NFIB: variants seen among roughly 807,000 people sequenced by gnomAD.
The protein encoded by NFIB is nuclear factor I B.
Under a neutral mutation model 61.5 loss-of-function variants are expected in NFIB, and 11 were observed. That is an observed-to-expected ratio of 0.18 (90% CI 0.11 to 0.30). The LOEUF (loss-of-function observed/expected upper bound fraction) is 0.30, where lower values mean the gene tolerates loss of function less well. Among genes scored for constraint, NFIB ranks in the 10% least tolerant of loss-of-function variants. The pLI, the probability that NFIB is intolerant of heterozygous loss-of-function variation, is 1.00. For missense variants in NFIB, 471 were observed against 608.9 expected (o/e 0.77, Z 2.38); for synonymous variants, 260 against 216.5 (o/e 1.20, Z -1.76).
At chr9:14,306,264 G>T (rs1047699459) in intron 2 of NFIB, among the ~76,000 whole-genome samples, 2 of 151,930 alleles carry the variant, frequency 1.3e-5, no homozygotes, top group Admixed American at 6.6e-5. Flanking sequence ...TTCCTCCTCG[G>T]TAAGTTTTAT....
chr9:14,438,025 T>C, the NFIB span, among the ~76,000 whole-genome samples: 3 of 151,248 alleles, frequency 2.0e-5, no homozygotes. Context: ...TGTGTGTGTG[T>C]GTGTGCGCGT....
chr9:14,395,321 A>T (rs59232654), intron 1 of NFIB, among the ~76,000 whole-genome samples: 1 of 148,798 alleles, frequency 6.7e-6, no homozygotes, highest in Admixed American at 6.7e-5. Context: ...AAAAAAAAAA[A>T]CCTAAAAAAA....
At chr9:14,296,156 C>CT (rs1198529061) in intron 2 of NFIB, among the ~76,000 whole-genome samples, 3 of 152,140 alleles carry the variant, frequency 2.0e-5, no homozygotes, top group Admixed American at 6.5e-5. Flanking sequence ...CCAGTCATTC[C>CT]TTTTTTTCAC....
chr9:14,249,282 C>A (rs922095834), intron 2 of NFIB, among the ~76,000 whole-genome samples: 1 of 152,184 alleles, frequency 6.6e-6, no homozygotes, highest in South Asian at 2.1e-4. Flanking sequence ...AGAGCTTAAA[C>A]AAATTGCCCA....
At chr9:14,380,429 T>C (rs2061474080) in intron 1 of NFIB, among the ~76,000 whole-genome samples, 1 of 152,162 alleles carries the variant, frequency 6.6e-6, no homozygotes, top group African/African-American at 2.4e-5. Flanking sequence ...AATAGAAAAA[T>C]GTATCGGCAC....
chr9:14,378,261 A>G (rs2061442575), intron 1 of NFIB, among the ~76,000 whole-genome samples: 1 of 152,206 alleles, frequency 6.6e-6, no homozygotes, highest in Admixed American at 6.5e-5. Context: ...TTTAGGCTCA[A>G]TATCTGGTTC....
At chr9:14,238,970 C>T (rs2054080999) in intron 2 of NFIB, among the ~76,000 whole-genome samples, 2 of 152,124 alleles carry the variant, frequency 1.3e-5, no homozygotes, top group South Asian at 4.1e-4. Flanking sequence ...AGCATAAGGT[C>T]AACTGATGGT....
chr9:14,100,925 A>T (rs1371366695), intron 10 of NFIB, among the ~76,000 whole-genome samples: 1 of 152,214 alleles, frequency 6.6e-6, no homozygotes, highest in African/African-American at 2.4e-5. Flanking sequence ...GCTTGTACGC[A>T]GACATGAGTC....
chr9:14,089,053 C>T (rs2033382628), intron 10 of NFIB, among the ~76,000 whole-genome samples: 1 of 152,100 alleles, frequency 6.6e-6, no homozygotes, highest in Non-Finnish European at 1.5e-5. Flanking sequence ...CCACAAAGGT[C>T]TCTGCTTGCA....
intron 1 of NFIB, among the ~76,000 whole-genome samples, chr9:14,353,375 C>T (rs1362729590): frequency 6.6e-6 from 1 of 152,144 alleles, no homozygotes; most frequent in Non-Finnish European, 1.5e-5. Flanking sequence ...ATCCTGAGTT[C>T]AGAGGCCTGC....
the NFIB span, among the ~76,000 whole-genome samples, chr9:14,405,805 C>A: frequency 6.6e-6 from 1 of 152,112 alleles, no homozygotes; most frequent in South Asian, 2.1e-4. Context: ...TATTTAGCCC[C>A]GATGGGTTCA....
At chr9:14,206,301 T>G (rs1313058283) in intron 2 of NFIB, among the ~76,000 whole-genome samples, 1 of 151,814 alleles carries the variant, frequency 6.6e-6, no homozygotes, top group Non-Finnish European at 1.5e-5. Context: ...CTCGGCCTCT[T>G]GAGTATCTAG....
chr9:14,209,256 T>C (rs1309734408), intron 2 of NFIB, among the ~76,000 whole-genome samples: 1 of 152,256 alleles, frequency 6.6e-6, no homozygotes, highest in Non-Finnish European at 1.5e-5. Context: ...TAAGCTGGTA[T>C]TTCTTTAAAG....
intron 1 of NFIB, among the ~76,000 whole-genome samples, chr9:14,309,250 T>C (rs1406946127): frequency 6.6e-6 from 1 of 152,176 alleles, no homozygotes; most frequent in Non-Finnish European, 1.5e-5. Context: ...AAATCCAATA[T>C]AGATATGAAT....
At chr9:14,091,960 T>C (rs1302470419) in intron 10 of NFIB, among the ~76,000 whole-genome samples, 1 of 152,080 alleles carries the variant, frequency 6.6e-6, no homozygotes, top group East Asian at 1.9e-4. Context: ...TTTGATATCA[T>C]GGATACTATT....
intron 2 of NFIB, among the ~76,000 whole-genome samples, chr9:14,228,798 T>A (rs1015112904): frequency 1.3e-5 from 2 of 152,212 alleles, no homozygotes; most frequent in Non-Finnish European, 2.9e-5. Flanking sequence ...TTAGAGTGTG[T>A]TACTCATGTG....
At chr9:14,186,173 A>G (rs938796076) in intron 2 of NFIB, among the ~76,000 whole-genome samples, 4 of 152,232 alleles carry the variant, frequency 2.6e-5, no homozygotes, top group Non-Finnish European at 5.9e-5. Context: ...TGGCTCTAAA[A>G]TTCTATGATT....
chr9:14,359,982 A>G (rs1408805781), intron 1 of NFIB, among the ~76,000 whole-genome samples: 1 of 152,134 alleles, frequency 6.6e-6, no homozygotes, highest in Non-Finnish European at 1.5e-5. Flanking sequence ...TTTTCTTTTT[A>G]AGCCAAATTC....
intron 1 of NFIB, among the ~76,000 whole-genome samples, chr9:14,397,384 T>C (rs1444062024): frequency 6.6e-6 from 1 of 152,232 alleles, no homozygotes; most frequent in African/African-American, 2.4e-5. Flanking sequence ...CAGTTAACAG[T>C]TCAGTGATGA....
Sources: allele counts gnomAD v4.1 joint callset (sites outside exome capture counted in the v4.1 genomes callset), GRCh38; gene constraint gnomAD v4.1.1; transcripts MANE v1.5; gene names NCBI Gene and HGNC (gene_info 2026-07-23, HGNC 2026-07-21).